Variants in PDE4D observed in about 807,000 individuals in gnomAD.
The protein encoded by PDE4D is 3',5'-cyclic-AMP phosphodiesterase 4D.
In PDE4D, 24 loss-of-function variants were observed where a neutral mutation model predicts 87.4. That is an observed-to-expected ratio of 0.27 (90% CI 0.20 to 0.39). The LOEUF is 0.39. Among genes scored for constraint, PDE4D ranks in the 10% least tolerant of loss-of-function variants. PDE4D has a pLI of 1.00. For synonymous variants in PDE4D, 384 were observed against 383.2 expected, an observed-to-expected ratio of 1.00 and a Z score of -0.02; for missense variants, 714 against 1,041.0, an observed-to-expected ratio of 0.69 and a Z score of 4.32.
chr5:59,560,792 A>C (rs1819846118), intron 1 of PDE4D: 1 of 152,388 alleles, frequency 6.6e-6, no homozygotes, highest in Admixed American at 6.5e-5. Flanking sequence ...GTTTCTGGAG[A>C]CAGTCTTAAT....
At chr5:59,858,607 C>T (rs760419137) in intron 1 of PDE4D, among the ~76,000 whole-genome samples, 31 of 152,196 alleles carry the variant, frequency 2.0e-4, no homozygotes, top group South Asian at 4.2e-4. Context: ...AATGGAGATG[C>T]GCCAGCTCAC....
chr5:59,107,574 C>T (rs921323091), intron 5 of PDE4D, among the ~76,000 whole-genome samples: 1 of 152,070 alleles, frequency 6.6e-6, no homozygotes, highest in Non-Finnish European at 1.5e-5. Flanking sequence ...TAGCTCTGAG[C>T]TGGATTCAGG....
chr5:59,094,962 G>A (rs1189731359), intron 5 of PDE4D, among the ~76,000 whole-genome samples: 1 of 151,704 alleles, frequency 6.6e-6, no homozygotes, highest in Non-Finnish European at 1.5e-5. Flanking sequence ...TCAACAAGCT[G>A]CACAAAGTTA....
At chr5:60,285,945 T>C (rs1297604386) in intron 1 of PDE4D, among the ~76,000 whole-genome samples, 1 of 152,176 alleles carries the variant, frequency 6.6e-6, no homozygotes, top group Non-Finnish European at 1.5e-5. Flanking sequence ...CATTCTAAAA[T>C]GTTTCAGAGT....
chr5:59,240,005 T>C (rs1411690767), intron 1 of PDE4D, among the ~76,000 whole-genome samples: 1 of 152,196 alleles, frequency 6.6e-6, no homozygotes, highest in African/African-American at 2.4e-5. Flanking sequence ...ATACAATGCT[T>C]TGGTATTTTA....
chr5:59,729,433 T>C (rs1052472012), intron 1 of PDE4D, among the ~76,000 whole-genome samples: 2 of 152,130 alleles, frequency 1.3e-5, no homozygotes, highest in Non-Finnish European at 2.9e-5. Flanking sequence ...TTTTAAAATT[T>C]ATAATAGCCA....
intron 2 of PDE4D, among the ~76,000 whole-genome samples, chr5:60,101,993 G>A (rs1456789008): frequency 6.6e-6 from 1 of 152,128 alleles, no homozygotes; most frequent in Non-Finnish European, 1.5e-5. Flanking sequence ...AATATACATA[G>A]TCAGTCCAAG....
rs891564027 is a variant in PDE4D, at chr5:60,270,220, C to T, written c.-89-84533G>A. Among the ~76,000 whole-genome samples, 11 of 152,090 alleles carry T rather than the reference C, an allele frequency of 7.2e-5. No individual in the cohort carries two copies. In the South Asian group the frequency reaches 1.7e-3, roughly 23 times the overall value. On this transcript the variant is annotated intron_variant, in intron 1 of 16. Transcript: ENST00000502484. ...GAAAGATAACTGCAAATGTCATGAT[C>T]GAACTGCTTCTTTTTATCATAACAA...
intron 5 of PDE4D, among the ~76,000 whole-genome samples, chr5:59,106,896 ATTG>A (rs1328436850): frequency 6.6e-6 from 1 of 152,254 alleles, no homozygotes; most frequent in African/African-American, 2.4e-5. Flanking sequence ...GTAAAGGGCA[ATTG>A]TTGTTTTATG....
intron 1 of PDE4D, among the ~76,000 whole-genome samples, chr5:60,296,579 T>G (rs927631743): frequency 2.0e-5 from 3 of 152,198 alleles, no homozygotes; most frequent in Non-Finnish European, 4.4e-5. Flanking sequence ...CGTATTTAAA[T>G]TGTACAATGA....
At chr5:59,189,244 G>GTTTTTTTTTTTTT (rs1392753870) in intron 3 of PDE4D, among the ~76,000 whole-genome samples, 7 of 91,390 alleles carry the variant, frequency 7.7e-5, no homozygotes, top group East Asian at 7.6e-4. Flanking sequence ...TTTTTTTTTT[G>GTTTTTTTTTTTTT]TTTTTTTTGT....
intron 2 of PDE4D, among the ~76,000 whole-genome samples, chr5:60,141,053 G>A (rs557129569): frequency 3.0e-4 from 46 of 152,000 alleles, no homozygotes; most frequent in African/African-American, 3.1e-4. Flanking sequence ...CTCTTTTTTC[G>A]TGGAGTTCAT....
chr5:59,691,154 A>T (rs1470223614), intron 1 of PDE4D, among the ~76,000 whole-genome samples: 1 of 152,204 alleles, frequency 6.6e-6, no homozygotes, highest in African/African-American at 2.4e-5. Context: ...ATTGTGGAAG[A>T]CAGTGTGGCG....
chr5:59,043,137 A>G (rs913169717), intron 5 of PDE4D, among the ~76,000 whole-genome samples: 6 of 152,134 alleles, frequency 3.9e-5, no homozygotes, highest in African/African-American at 1.4e-4. Context: ...TCCTAGATAG[A>G]CCTATTGGTA....
At chr5:60,135,719 G>T (rs1465390694) in intron 2 of PDE4D, among the ~76,000 whole-genome samples, 4 of 152,132 alleles carry the variant, frequency 2.6e-5, no homozygotes, top group African/African-American at 9.7e-5. Flanking sequence ...GAAAGGTCAG[G>T]GGATGAAAGT....
At chr5:59,054,901 T>C (rs1488182190) in intron 5 of PDE4D, among the ~76,000 whole-genome samples, 1 of 152,170 alleles carries the variant, frequency 6.6e-6, no homozygotes, top group African/African-American at 2.4e-5. Flanking sequence ...TCCCTTTTTA[T>C]AATTAAAAAA....
intron 1 of PDE4D, among the ~76,000 whole-genome samples, chr5:59,592,795 A>T (rs777865621): frequency 3.5e-4 from 53 of 152,098 alleles, no homozygotes; most frequent in Non-Finnish European, 5.1e-4. Flanking sequence ...AAGTTTAAAG[A>T]CAAAAAAGTC....
intron 1 of PDE4D, among the ~76,000 whole-genome samples, chr5:59,482,787 T>C (rs746829322): frequency 2.6e-5 from 4 of 152,168 alleles, no homozygotes; most frequent in Non-Finnish European, 5.9e-5. Flanking sequence ...ATAATAACCA[T>C]CATTTTTCTA....
Position 58,973,846 on chromosome 5 carries a change from G to GGAAGAA in PDE4D, c.*817_*818insTTCTTC, listed in dbSNP as rs67531361. 6.6e-6 allele frequency: 1 copy of GGAAGAA among 152,316 alleles called. No individual in the cohort carries two copies. Among genetic ancestry groups the GGAAGAA allele is most frequent in the African/African-American group, 2.4e-5 (1 of 41,348 alleles). 9.4% of individuals were successfully genotyped at this position (152,316 alleles called of 1,614,324 possible). ...AAGTTGTTTTTCTCTTTTAAAATAT[G>GGAAGAA]GAAGTCATTGGTATATAAAACAAAC... On this transcript the variant is annotated 3_prime_UTR_variant, in exon 15 of 15. Coordinates refer to ENST00000340635, the MANE Select transcript of PDE4D (RefSeq NM_001104631.2).
Sources: gnomAD v4.1 joint callset for allele counts (sites outside exome capture counted in the v4.1 genomes callset) on GRCh38, gnomAD v4.1.1 for gene constraint, MANE v1.5 for transcripts, NCBI Gene and HGNC (gene_info 2026-07-23, HGNC 2026-07-21) for gene names.